The following ZNF701 variants were observed in gnomAD, a reference collection of about 807,000 sequenced individuals.
ZNF701 encodes the protein zinc finger protein 701.
ZNF701 carries 6 observed loss-of-function variants against 7.1 expected under a neutral mutation model. The observed-to-expected ratio is 0.84, with a 90% CI of 0.46 to 1.66. The LOEUF is 1.66. Among genes scored for constraint, ZNF701 ranks in the 40% most tolerant of loss-of-function variants. The pLI is 0.01. For synonymous variants in ZNF701, 166 were observed against 188.2 expected, an observed-to-expected ratio of 0.88 and a Z score of 0.97; for missense variants, 541 against 559.2, an observed-to-expected ratio of 0.97 and a Z score of 0.33.
chr19:52,574,949 CAT>C (rs35653485), intron 2 of ZNF701, among the ~76,000 whole-genome samples: 11 of 150,998 alleles, frequency 7.3e-5, no homozygotes, highest in Non-Finnish European at 1.3e-4. Context: ...ACAAAATTTG[CAT>C]ATATATATAT....
downstream of ZNF701, among the ~76,000 whole-genome samples, chr19:52,591,703 G>C (rs1489752260): frequency 1.3e-5 from 2 of 152,150 alleles, no homozygotes; most frequent in East Asian, 3.9e-4. Context: ...TTACAGGCAG[G>C]TGCCACCACG....
In ZNF701 at chr19:52,582,541, G is replaced by A. The variant is rs1323580021; in HGVS notation, c.482G>A (p.Gly161Asp). ...VHIFHPEGKI[G>D]NQVEKAINDA... ...ATATTTCACCCCGAAGGGAAAATTG[G>A]TAATCAAGTTGAGAAGGCTATCAAC... Residue 161 changes from glycine to aspartate, a missense_variant, in exon 4 of 4, where the codon GGT becomes GAT. Coordinates refer to ENST00000391785, the MANE Select transcript of ZNF701 (RefSeq NM_018260.3). The A allele has an allele frequency of 1.9e-6, 3 of 1,614,170 alleles. No homozygotes were observed. Among genetic ancestry groups the A allele is most frequent in the Non-Finnish European group, 2.5e-6 (3 of 1,180,032 alleles).
intron 1 of ZNF701, chr19:52,572,692 AG>A (rs1377691962): frequency 2.9e-6 from 1 of 347,796 alleles, no homozygotes; most frequent in African/African-American, 2.2e-5. Context: ...AGTCCCTGGC[AG>A]GGAACCCTCC....
chr19:52,589,797 T>A (rs545247646), downstream of ZNF701, among the ~76,000 whole-genome samples: 159 of 152,264 alleles, frequency 1.0e-3, no homozygotes, highest in African/African-American at 3.7e-3. Context: ...TCTGGTACTT[T>A]AAAAAAATTT....
At chr19:52,596,880 C>T in the ZNF701 span, 117 of 553,944 alleles carry the variant, frequency 2.1e-4, 2 homozygotes, top group Admixed American at 2.1e-3. Flanking sequence ...ACAATCAAAC[C>T]TTGCACAACA....
chr19:52,588,548 C>T, downstream of ZNF701: 1 of 361,670 alleles, frequency 2.8e-6, no homozygotes, highest in Non-Finnish European at 5.3e-6. Flanking sequence ...TTTCCAAAGA[C>T]TCATGCTATG....
chr19:52,580,813 A>G (rs2059970385), intron 3 of ZNF701, among the ~76,000 whole-genome samples: 1 of 152,112 alleles, frequency 6.6e-6, no homozygotes, highest in South Asian at 2.1e-4. Context: ...TATAACTGAC[A>G]CACTCCACTC....
Position 52,583,299 on chromosome 19 carries a change from G to C in ZNF701, c.1240G>C (p.Glu414Gln). ...HTGEKRYKCN[E>Q]CGKVFNHKSN... is the part of the protein sequence containing the mutation. Reference sequence around the variant, plus strand: ...TGGAGAGAAACGTTACAAGTGTAATGAATGTGGCAAGGTTTTTAATCACAA... The same window carrying C: ...TGGAGAGAAACGTTACAAGTGTAATCAATGTGGCAAGGTTTTTAATCACAA... The change falls in exon 4 of 4, where the codon GAA becomes CAA. Residue 414 changes from glutamate (E) to glutamine (Q), a missense_variant. Physicochemically the swap from Glu to Gln is conservative, Grantham distance 29. Transcript: ENST00000391785. The C allele has an allele frequency of 1.2e-6, 2 of 1,613,818 alleles. No individual in the cohort carries two copies. Among genetic ancestry groups the C allele is most frequent in the Non-Finnish European group, 1.7e-6 (2 of 1,179,818 alleles).
intron 2 of ZNF701, among the ~76,000 whole-genome samples, chr19:52,575,440 TTTTA>T (rs1489458161): frequency 7.1e-6 from 1 of 141,346 alleles, no homozygotes; most frequent in Non-Finnish European, 1.5e-5. Flanking sequence ...TGTGTGTAGG[TTTTA>T]TTTTTTTTTT....
At chr19:52,594,933 C>T in the ZNF701 span, among the ~76,000 whole-genome samples, 6 of 152,006 alleles carry the variant, frequency 3.9e-5, no homozygotes, top group Non-Finnish European at 5.9e-5. Context: ...ATTCCTCCTA[C>T]GGAGGACATC....
In ZNF701 at chr19:52,582,566, C is replaced by G; in HGVS notation, c.507C>G (p.Asn169Lys). 6.2e-7 allele frequency: 1 copy of G among 1,614,164 alleles called. No homozygotes were observed. The highest frequency in any genetic ancestry group is 8.5e-7 in the Non-Finnish European group (1 of 1,180,024). Residue 169 changes from asparagine (N) to lysine (K), a missense_variant, in exon 4 of 4, where the codon AAC becomes AAG. Coordinates refer to ENST00000391785, the MANE Select transcript of ZNF701 (RefSeq NM_018260.3). ...GTAATCAAGTTGAGAAGGCTATCAA[C>G]GATGCTTTCTCAGTTTCAGCATCCC... is the stretch of plus-strand genomic sequence containing the variant. ...KIGNQVEKAI[N>K]DAFSVSASQR...
Position 52,583,311 on chromosome 19 carries a change from G to A in ZNF701, c.1252G>A (p.Val418Ile). 7.5e-6 allele frequency: 12 copies of A among 1,604,712 alleles called. No individual in the cohort carries two copies. The highest frequency in any genetic ancestry group is 1.0e-5 in the Non-Finnish European group (12 of 1,172,356). The change falls in exon 4 of 4, where the codon GTT becomes ATT. Residue 418 changes from valine to isoleucine, a missense_variant. By Grantham distance (29) the Val-to-Ile change is conservative (BLOSUM62 3). Transcript: ENST00000391785. ...TTACAAGTGTAATGAATGTGGCAAGGTTTTTAATCACAAATCAAACCTTGC... is the reference window on the plus strand; with the variant it reads ...TTACAAGTGTAATGAATGTGGCAAGATTTTTAATCACAAATCAAACCTTGC... ...KRYKCNECGK[V>I]FNHKSNLACH...
chr19:52,587,701 C>T (rs1379453852), downstream of ZNF701, among the ~76,000 whole-genome samples: 2 of 152,232 alleles, frequency 1.3e-5, no homozygotes, highest in African/African-American at 4.8e-5. Context: ...CTGTGCTGGG[C>T]TGGCGCCATC....
intron 3 of ZNF701, among the ~76,000 whole-genome samples, chr19:52,577,895 C>T (rs531613479): frequency 7.9e-5 from 12 of 152,106 alleles, no homozygotes; most frequent in South Asian, 4.1e-4. Flanking sequence ...GTACTCCTGG[C>T]TCCTCTTTGA....
the ZNF701 span, among the ~76,000 whole-genome samples, chr19:52,594,966 A>G: frequency 6.6e-6 from 1 of 151,938 alleles, no homozygotes; most frequent in Admixed American, 6.6e-5. Flanking sequence ...TGCCTCATAT[A>G]TAGGAGGCTC....
chr19:52,596,982 A>G, the ZNF701 span: 1 of 867,328 alleles, frequency 1.2e-6, no homozygotes, highest in East Asian at 3.2e-5. Flanking sequence ...TCATCAAGCA[A>G]TCCATGGTGT....
At position 52,585,996 on chromosome 19, in the gene ZNF701, T is replaced by C. The variant is rs1049501006; in HGVS notation, c.*2539T>C. 1.3e-5 allele frequency: 2 copies of C among 152,312 alleles called. No homozygotes were observed. Among genetic ancestry groups the C allele is most frequent in the African/African-American group, 4.8e-5 (2 of 41,462 alleles). The allele number at this position is 152,312 out of a possible 1,614,324, so 9.4% of individuals were successfully genotyped here. ...AAGTTCGCGTTAATTGGTTTTAGAT[T>C]CCCTGCCTCCCTAGACCCAGGACCC... On this transcript the variant is annotated 3_prime_UTR_variant, in exon 4 of 4. Coordinates refer to ENST00000391785, the MANE Select transcript of ZNF701 (RefSeq NM_018260.3).
chr19:52,574,253 C>G, intron 2 of ZNF701, 91 bp downstream of exon 2: 35 of 1,562,096 alleles, frequency 2.2e-5, no homozygotes, highest in Non-Finnish European at 3.0e-5. Context: ...TCTCAAGTGT[C>G]CTGCCTGACA....
chr19:52,577,084 C>T (rs539135570), intron 3 of ZNF701, among the ~76,000 whole-genome samples: 1 of 152,190 alleles, frequency 6.6e-6, no homozygotes, highest in South Asian at 2.1e-4. Flanking sequence ...CCCACTTATC[C>T]CTCTGCTCTT....
Sources: allele counts gnomAD v4.1 joint callset (sites outside exome capture counted in the v4.1 genomes callset), GRCh38; gene constraint gnomAD v4.1.1; transcripts MANE v1.5; gene names NCBI Gene and HGNC (gene_info 2026-07-23, HGNC 2026-07-21).